CSMD1: variants seen among roughly 807,000 people sequenced by gnomAD.
The protein encoded by CSMD1 is CUB and sushi domain-containing protein 1.
CSMD1 carries 213 observed loss-of-function variants against 417.5 expected under a neutral mutation model. That is an observed-to-expected ratio of 0.51 (90% confidence interval 0.46 to 0.57). The LOEUF (loss-of-function observed/expected upper bound fraction) is 0.57. Among genes scored for constraint, CSMD1 ranks in the 20% least tolerant of loss-of-function variants. CSMD1 has a pLI of 0.00. For synonymous variants in CSMD1, 2,862 were observed against 1,736.8 expected (o/e 1.65, Z -16.11); for missense variants, 6,923 against 4,529.7 (o/e 1.53, Z -15.17).
chr8:3,785,132 G>C (rs1799384124), intron 5 of CSMD1, among the ~76,000 whole-genome samples: 1 of 152,098 alleles, frequency 6.6e-6, no homozygotes, highest in South Asian at 2.1e-4. Context: ...TGTGATGTTG[G>C]GTAAGTTCTT....
intron 2 of CSMD1, among the ~76,000 whole-genome samples, chr8:4,636,008 A>C (rs918340564): frequency 1.3e-5 from 2 of 152,020 alleles, no homozygotes; most frequent in Admixed American, 6.6e-5. Context: ...ATTTGAAAAT[A>C]TATTAATGAA....
chr8:4,590,103 G>A (rs1046465016), intron 2 of CSMD1, among the ~76,000 whole-genome samples: 2 of 151,746 alleles, frequency 1.3e-5, no homozygotes, highest in African/African-American at 4.8e-5. Context: ...AGTTATATAG[G>A]TTTATTTAGA....
intron 41 of CSMD1, among the ~76,000 whole-genome samples, chr8:3,126,336 C>G (rs1199506865): frequency 6.6e-6 from 1 of 152,172 alleles, no homozygotes; most frequent in Non-Finnish European, 1.5e-5. Flanking sequence ...AGGCAAAGCC[C>G]TCGAGCAACT....
chr8:4,070,054 C>G (rs892787744), intron 3 of CSMD1, among the ~76,000 whole-genome samples: 3 of 151,896 alleles, frequency 2.0e-5, no homozygotes, highest in Non-Finnish European at 4.4e-5. Context: ...TTTAACTATA[C>G]TTTTCGCAGT....
intron 18 of CSMD1, among the ~76,000 whole-genome samples, chr8:3,381,724 T>C (rs964756030): frequency 1.4e-4 from 21 of 152,224 alleles, no homozygotes; most frequent in Admixed American, 9.8e-4. Context: ...AAAATAAGAC[T>C]CAGTAACATA....
intron 2 of CSMD1, among the ~76,000 whole-genome samples, chr8:4,472,031 G>A (rs1359654085): frequency 6.6e-6 from 1 of 152,110 alleles, no homozygotes; most frequent in Non-Finnish European, 1.5e-5. Context: ...TTTTTAACTA[G>A]AAATAATTGG....
intron 3 of CSMD1, among the ~76,000 whole-genome samples, chr8:4,193,437 T>C (rs2131223109): frequency 6.6e-6 from 1 of 151,928 alleles, no homozygotes; most frequent in East Asian, 1.9e-4. Flanking sequence ...CACATCCAGG[T>C]ACCCATGCCA....
chr8:3,242,334 G>A (rs1163570259), intron 26 of CSMD1, among the ~76,000 whole-genome samples: 3 of 150,828 alleles, frequency 2.0e-5, no homozygotes, highest in Admixed American at 6.6e-5. Flanking sequence ...AGGAAGACTA[G>A]AAAGACTCAG....
intron 6 of CSMD1, among the ~76,000 whole-genome samples, chr8:3,731,473 C>T (rs938966687): frequency 5.9e-5 from 9 of 152,190 alleles, no homozygotes; most frequent in Admixed American, 2.6e-4. Context: ...CAATTCAATC[C>T]GAAACTTGCC....
At chr8:3,618,273 G>C (rs768765445) in intron 7 of CSMD1, among the ~76,000 whole-genome samples, 5 of 152,028 alleles carry the variant, frequency 3.3e-5, no homozygotes, top group Non-Finnish European at 7.4e-5. Flanking sequence ...CTAAAGTGTT[G>C]GGGTTACAGA....
At chr8:3,486,568 G>A (rs1298176807) in intron 11 of CSMD1, among the ~76,000 whole-genome samples, 1 of 152,308 alleles carries the variant, frequency 6.6e-6, no homozygotes, top group South Asian at 2.1e-4. Context: ...CTACACCTGT[G>A]ATAGAACAGC....
intron 3 of CSMD1, among the ~76,000 whole-genome samples, chr8:4,356,090 T>C (rs1248336351): frequency 6.6e-6 from 1 of 152,182 alleles, no homozygotes; most frequent in Non-Finnish European, 1.5e-5. Flanking sequence ...TATGTTGTCT[T>C]TTATCCCTCA....
chr8:4,914,200 T>G (rs1398105598), intron 1 of CSMD1, among the ~76,000 whole-genome samples: 3 of 152,220 alleles, frequency 2.0e-5, no homozygotes. Flanking sequence ...TCTATAGTAT[T>G]ACAGGTGCAA....
chr8:4,455,440 T>C (rs1446881342), intron 2 of CSMD1, among the ~76,000 whole-genome samples: 2 of 152,038 alleles, frequency 1.3e-5, no homozygotes, highest in Non-Finnish European at 2.9e-5. Context: ...GATGGAGAAA[T>C]GATACAAGCA....
chr8:4,637,283 AT>A (rs1169606325), intron 2 of CSMD1, 58 bp downstream of exon 2: 1 of 1,378,436 alleles, frequency 7.3e-7, no homozygotes, highest in Non-Finnish European at 1.0e-6. Context: ...TTCCAACTAG[AT>A]TTCATAATCT....
At chr8:3,265,945 C>G (rs1352934655) in intron 26 of CSMD1, among the ~76,000 whole-genome samples, 1 of 151,618 alleles carries the variant, frequency 6.6e-6, no homozygotes, top group Non-Finnish European at 1.5e-5. Context: ...GGAAAGGGGT[C>G]CAGTTTTGGA....
In CSMD1 at chr8:3,097,900, G is replaced by C. The variant is rs186457094; in HGVS notation, c.6950-863C>G. Among the ~76,000 whole-genome samples, 710 of 152,192 alleles carry C rather than the reference G, an allele frequency of 4.7e-3. 2 individuals are homozygous for C. Among genetic ancestry groups the C allele is most frequent in the Non-Finnish European group, 7.4e-3 (503 of 68,016 alleles). ...CTCAGCAGGAGCCCTGATTCCTAAG[G>C]GATGAATTAATTGTAAATGTATCAT... On this transcript the variant is annotated intron_variant, in intron 46 of 69. Coordinates refer to ENST00000635120, the MANE Select transcript of CSMD1 (RefSeq NM_033225.6).
intron 3 of CSMD1, among the ~76,000 whole-genome samples, chr8:4,164,858 C>A (rs549610667): frequency 2.1e-5 from 3 of 142,756 alleles, no homozygotes; most frequent in African/African-American, 5.3e-5. Context: ...GCCTGAGCAA[C>A]AGAGCAAGAC....
intron 49 of CSMD1, among the ~76,000 whole-genome samples, chr8:3,070,198 G>T (rs537782243): frequency 1.3e-5 from 2 of 152,204 alleles, no homozygotes; most frequent in African/African-American, 2.4e-5. Context: ...ATACCTTCAA[G>T]GCCTTTTCCC....
Sources: gnomAD v4.1 joint callset for allele counts (sites outside exome capture counted in the v4.1 genomes callset) on GRCh38, gnomAD v4.1.1 for gene constraint, MANE v1.5 for transcripts, NCBI Gene and HGNC (gene_info 2026-07-23, HGNC 2026-07-21) for gene names.